The following MUC4 variants were observed in gnomAD, a reference collection of about 807,000 sequenced individuals.
MUC4 encodes mucin-4.
Under a neutral mutation model 257.9 loss-of-function variants are expected in MUC4, and 202 were observed. That is an observed-to-expected ratio of 0.78 (90% CI 0.70 to 0.88). MUC4 has a LOEUF of 0.88. Ranked by LOEUF, MUC4 falls within the 40% of genes least tolerant of loss-of-function variation. MUC4 has a pLI of 0.00. For missense variants in MUC4, 5,976 were observed against 6,513.7 expected, an observed-to-expected ratio of 0.92 and a Z score of 2.84; for synonymous variants, 2,351 against 2,757.1, an observed-to-expected ratio of 0.85 and a Z score of 4.62.
chr3:195,788,654 G>C lies in MUC4; in HGVS notation c.2926C>G (p.Pro976Ala), dbSNP rs779703678. The C allele has an allele frequency of 6.2e-7, 1 of 1,610,888 alleles. No individual in the cohort carries two copies. The highest frequency in any genetic ancestry group is 8.5e-7 in the Non-Finnish European group (1 of 1,178,514). The change falls in exon 2 of 25, where the codon CCT (proline) becomes GCT (alanine). Residue 976 changes from proline (P) to alanine (A), a missense_variant. Around this residue, in one of 44 missense-constraint regions of MUC4, gnomAD observed 1,583 missense variants for 1,257.4 expected, o/e 1.26. Coordinates refer to ENST00000463781, the MANE Select transcript of MUC4 (RefSeq NM_018406.7). ...FTTALISNAT[P>A]LPVTYASSAS... Reference sequence around the variant, plus strand: ...GAGGAAGCGTAGGTGACAGGAAGAGGGGTGGCGTTGCTGATGAGGGCCGTG... The same window carrying C: ...GAGGAAGCGTAGGTGACAGGAAGAGCGGTGGCGTTGCTGATGAGGGCCGTG...
In MUC4 at chr3:195,781,681, G is replaced by T. The variant is rs1728159697; in HGVS notation, c.9899C>A (p.Thr3300Asn). 4 of 1,348,254 alleles carry T rather than the reference G, an allele frequency of 3.0e-6. No individual in the cohort carries two copies. The highest frequency in any genetic ancestry group is 4.0e-6 in the Non-Finnish European group (4 of 998,318). 83.5% of individuals were successfully genotyped at this position (1,348,254 alleles called of 1,614,324 possible). Residue 3300 changes from threonine to asparagine, a missense_variant, in exon 2 of 25, where the codon ACC becomes AAC. Physicochemically the swap from Thr to Asn is moderately conservative, Grantham distance 65. Around this residue, in one of 44 missense-constraint regions of MUC4, gnomAD observed 51 missense variants for 66.9 expected, o/e 0.76. Transcript: ENST00000463781. ...ACCTGTGGATACTGAGGAAGTCTCG[G>T]TGACAAGAAGAGGGGTGGTGTCACC... is the stretch of plus-strand genomic sequence containing the variant. ...STGDTTPLLV[T>N]ETSSVSTGHA...
rs540670740 is a variant in MUC4, at chr3:195,789,945, G to T, written c.1635C>A (p.Pro545=). Residue 545 remains proline, a synonymous_variant, in exon 2 of 25, where the codon CCC becomes CCA. Transcript: ENST00000463781. The part of the protein sequence containing the change: ...KVSAIGEPGE[P]TTYSSHSTTL... Reference sequence around the variant, plus strand: ...TTGTGCTGTGGGAGGAGTATGTGGTGGGCTCTCCTGGTTCCCCTATTGCTG... The same window carrying T: ...TTGTGCTGTGGGAGGAGTATGTGGTTGGCTCTCCTGGTTCCCCTATTGCTG... 4 of 1,613,932 alleles carry T rather than the reference G, an allele frequency of 2.5e-6. No individual in the cohort carries two copies. In the Admixed American group the frequency reaches 6.7e-5, roughly 27 times the overall value.
chr3:195,773,086 G>A (rs1298399190), intron 4 of MUC4, among the ~76,000 whole-genome samples: 3 of 117,298 alleles, frequency 2.6e-5, no homozygotes, highest in Non-Finnish European at 5.1e-5. Context: ...TCTATCGTTC[G>A]GGGTGTAGAC....
In MUC4 at chr3:195,747,304, C is replaced by T. The variant is rs762901289; in HGVS notation, c.16111G>A (p.Gly5371Ser). 2.9e-5 allele frequency: 47 copies of T among 1,614,042 alleles called. No individual in the cohort carries two copies. Among genetic ancestry groups the T allele is most frequent in the Non-Finnish European group, 4.0e-5 (47 of 1,179,964 alleles). ...HLSMKLDAFF[G>S]IFFGALGGLL... ...CCGCCCAGGGCCCCAAAGAAGATGC[C>T]GAAGAACGCGTCGAGTTTCATGCTC... Residue 5371 changes from glycine to serine, a missense_variant, in exon 25 of 25, where the codon GGC becomes AGC. This residue lies in a region of MUC4 where 310 missense variants were observed against 242.1 expected (regional missense o/e 1.28). Coordinates refer to ENST00000463781, the MANE Select transcript of MUC4 (RefSeq NM_018406.7).
At chr3:195,806,581 G>T (rs1298087902) in intron 1 of MUC4, among the ~76,000 whole-genome samples, 2 of 152,200 alleles carry the variant, frequency 1.3e-5, no homozygotes, top group Non-Finnish European at 2.9e-5. Context: ...GGAACTTAAG[G>T]CAGGCGTTTC....
At chr3:195,811,299 G>C (rs1168590751) in intron 1 of MUC4, among the ~76,000 whole-genome samples, 1 of 151,898 alleles carries the variant, frequency 6.6e-6, no homozygotes, top group Non-Finnish European at 1.5e-5. Flanking sequence ...TCAGACTCCT[G>C]AGTAGCTGGA....
chr3:195,776,324 GTCATACCTTCCACA>G (rs1724705084), intron 3 of MUC4, among the ~76,000 whole-genome samples: 11 of 23,176 alleles, frequency 4.7e-4, no homozygotes, highest in Admixed American at 7.6e-4. Context: ...ACCTTCCACA[GTCATACCTTCCACA>G]CCCATACCTT....
In MUC4 at chr3:195,753,157, G is replaced by A. The variant is rs1010487309; in HGVS notation, c.15402C>T (p.Tyr5134=). 3 of 1,613,764 alleles carry A rather than the reference G, an allele frequency of 1.9e-6. No homozygotes were observed. The highest frequency in any genetic ancestry group is 1.7e-6 in the Non-Finnish European group (2 of 1,179,854). The change falls in exon 20 of 25, where the codon TAC becomes TAT. Residue 5134 remains tyrosine, a synonymous_variant. Coordinates refer to ENST00000463781, the MANE Select transcript of MUC4 (RefSeq NM_018406.7). ...VNYCYNQGHC[Y]ISQTLGCQPM... is the part of the protein sequence containing the mutation. ...GCTGACAGCCCAGAGTCTGGGAGAT[G>A]TAGCAGTGGCCTTGATTGTAGCAGT...
At chr3:195,793,690 A>C (rs988845570) in intron 1 of MUC4, among the ~76,000 whole-genome samples, 1 of 152,118 alleles carries the variant, frequency 6.6e-6, no homozygotes, top group Non-Finnish European at 1.5e-5. Context: ...GTTAGACTAG[A>C]ATGGTGAATT....
At position 195,778,812 on chromosome 3, in the gene MUC4, G is replaced by A. The variant is rs750351964; in HGVS notation, c.12768C>T (p.Ser4256=). 23 of 1,611,828 alleles carry A rather than the reference G, an allele frequency of 1.4e-5. No individual in the cohort carries two copies. In the Admixed American group the frequency reaches 1.8e-4, roughly 13 times the overall value. ...TACCTGGTGTTTCCATCTTCAGAGG[G>A]GAGTCCGAGGATACTGTGGAAGCTG... is the stretch of plus-strand genomic sequence containing the variant. The part of the protein sequence containing the change: ...ATSASTVSSD[S]PLKMETPGMT... The change falls in exon 2 of 25, where the codon TCC becomes TCT. Residue 4256 remains serine, a synonymous_variant. Transcript: ENST00000463781.
chr3:195,765,576 A>G (rs997355039), intron 8 of MUC4, 127 bp from the exon 9 acceptor site: 48 of 926,582 alleles, frequency 5.2e-5, no homozygotes, highest in Non-Finnish European at 7.1e-5. Context: ...TTTGGACCCA[A>G]GTCAGATGGG....
chr3:195,779,350 T>A lies in MUC4; in HGVS notation c.12230A>T (p.Asp4077Val). The A allele has an allele frequency of 9.3e-7, 1 of 1,073,244 alleles. No homozygotes were observed. The highest frequency in any genetic ancestry group is 1.5e-5 in the South Asian group (1 of 65,754). 66.5% of individuals were successfully genotyped at this position (1,073,244 alleles called of 1,614,324 possible). ...ATCGGTGACAGGAAGAGTGCTGGTG[T>A]CACCTCTGGATGCTGAGGAAGGGCT... ...VTSPSSASRG[D>V]TSTLPVTDAS... is the part of the protein sequence containing the mutation. Residue 4077 changes from aspartate (D) to valine (V), a missense_variant, in exon 2 of 25, where the codon GAC (aspartate) becomes GTC (valine). This residue lies in a region of MUC4 where 293 missense variants were observed against 294.5 expected (regional missense o/e 1.00). Transcript: ENST00000463781.
At chr3:195,777,915 C>T (rs1218912805) in intron 3 of MUC4, among the ~76,000 whole-genome samples, 3 of 150,018 alleles carry the variant, frequency 2.0e-5, no homozygotes, top group African/African-American at 5.0e-5. Flanking sequence ...CCTTCCACAC[C>T]CATACCTTCC....
chr3:195,748,573 AAT>A (rs1239525753), intron 24 of MUC4, among the ~76,000 whole-genome samples: 1 of 152,272 alleles, frequency 6.6e-6, no homozygotes, highest in Non-Finnish European at 1.5e-5. Flanking sequence ...AAAACATAAA[AAT>A]ATAAAAAATG....
At chr3:195,764,880 C>G (rs1225451303) in intron 10 of MUC4, 117 bp downstream of exon 10, 5 of 1,415,658 alleles carry the variant, frequency 3.5e-6, no homozygotes, top group Non-Finnish European at 4.8e-6. Context: ...GTTACCCGAT[C>G]AGGAAGTGGA....
Position 195,769,892 on chromosome 3 carries a change from A to G in MUC4, c.13398+324T>C, listed in dbSNP as rs190016851. ...CTTCCTCATCTGTAAAATGGGGAGC[A>G]TAATACCAGACTGAGCCACGTGAAA... On this transcript the variant is annotated intron_variant, in intron 6 of 24. Coordinates refer to ENST00000463781, the MANE Select transcript of MUC4 (RefSeq NM_018406.7). Among the ~76,000 whole-genome samples, 1,033 of 152,328 alleles carry G rather than the reference A, an allele frequency of 6.8e-3. 14 individuals are homozygous for G. The highest frequency in any genetic ancestry group is 0.024 in the African/African-American group (985 of 41,566).
rs566853837 is a variant in MUC4 at position 195,750,790 on chromosome 3, C to G, written c.15871+99G>C. 4.7e-5 allele frequency: 55 copies of G among 1,175,042 alleles called. No homozygotes were observed. The African/African-American group carries it at 7.9e-4, about 17-fold the overall frequency. 72.8% of individuals were successfully genotyped at this position (1,175,042 alleles called of 1,614,324 possible). A position where few individuals can be genotyped will look rare whatever the true frequency, so the allele number is the denominator to read the frequency against. ...ACGTTTTCGCTCAAAACCAAACAAA[C>G]AGAAAAACTCAATTAGCTTGTTTGT... On this transcript the variant is annotated intron_variant, in intron 23 of 24. Coordinates refer to ENST00000463781, the MANE Select transcript of MUC4 (RefSeq NM_018406.7).
intron 1 of MUC4, 60 bp from the exon 2 acceptor site, chr3:195,791,557 A>G (rs1733871018): frequency 4.8e-6 from 5 of 1,043,232 alleles, no homozygotes; most frequent in Admixed American, 2.1e-5. Flanking sequence ...CCTATTCACA[A>G]TTGCTACAAA....
chr3:195,764,559 G>T lies in MUC4; in HGVS notation c.13925-395C>A, dbSNP rs117442852. Among the ~76,000 whole-genome samples the T allele has an allele frequency of 1.2e-3, 183 of 152,138 alleles. 2 individuals carry two copies. In the East Asian group the frequency reaches 0.034, roughly 28 times the overall value. Reference sequence around the variant, plus strand: ...TGGGAGTGGGGAGGGCACGGCTGACGGTCTGGGAACTGTGGAAACTGCCAT... The same window carrying T: ...TGGGAGTGGGGAGGGCACGGCTGACTGTCTGGGAACTGTGGAAACTGCCAT... On this transcript the variant is annotated intron_variant, in intron 10 of 24. Coordinates refer to ENST00000463781, the MANE Select transcript of MUC4 (RefSeq NM_018406.7).
Sources: allele counts gnomAD v4.1 joint callset (sites outside exome capture counted in the v4.1 genomes callset), GRCh38; gene constraint gnomAD v4.1.1; regional missense constraint gnomAD v4.1.1; transcripts MANE v1.5; gene names NCBI Gene and HGNC (gene_info 2026-07-23, HGNC 2026-07-21).